The following SLAIN2 variants were observed in gnomAD, a reference collection of about 807,000 sequenced individuals.
SLAIN2 encodes the protein SLAIN motif-containing protein 2.
Under a neutral mutation model 56.6 loss-of-function variants are expected in SLAIN2, and 31 were observed. The observed-to-expected ratio is 0.55, with a 90% CI of 0.41 to 0.74. The LOEUF (loss-of-function observed/expected upper bound fraction) is 0.74. SLAIN2 is among the 30% of genes least tolerant of loss of function. The probability of loss-of-function intolerance (pLI) is 0.00; values close to 1 mark genes in which losing one functional copy is unlikely to be tolerated. For synonymous variants in SLAIN2, 317 were observed against 284.9 expected (o/e 1.11, Z -1.13); for missense variants, 777 against 754.2 (o/e 1.03, Z -0.35).
In SLAIN2 at chr4:48,401,197, A is replaced by G. The variant is rs191208842; in HGVS notation, c.1360+17413A>G. On this transcript the variant is annotated intron_variant, in intron 6 of 7. Transcript: ENST00000264313. Reference sequence around the variant, plus strand: ...TCTTTTGCATTTGCTGAGGACTATTACATGATCAATTTTAGAGTAAGTGTT... The same window carrying G: ...TCTTTTGCATTTGCTGAGGACTATTGCATGATCAATTTTAGAGTAAGTGTT... Among the ~76,000 whole-genome samples the G allele has an allele frequency of 2.9e-3, 444 of 151,810 alleles. 2 individuals carry two copies. The highest frequency in any genetic ancestry group is 3.2e-3 in the Non-Finnish European group (218 of 67,716).
intron 1 of SLAIN2, among the ~76,000 whole-genome samples, chr4:48,362,594 T>C (rs1650758807): frequency 1.5e-5 from 2 of 136,388 alleles, no homozygotes; most frequent in South Asian, 4.3e-4. Context: ...ACATTTTTTT[T>C]TTTTTTAGTA....
chr4:48,392,525 C>G (rs934932468), intron 6 of SLAIN2, among the ~76,000 whole-genome samples: 9 of 152,030 alleles, frequency 5.9e-5, no homozygotes, highest in African/African-American at 2.2e-4. Context: ...GTTACCTTTA[C>G]CCTCATTTAT....
chr4:48,363,474 G>A lies in SLAIN2; in HGVS notation c.390-6375G>A, dbSNP rs1356209299. Among the ~76,000 whole-genome samples, 33 of 61,612 alleles carry A rather than the reference G, an allele frequency of 5.4e-4. 6 individuals carry two copies. The highest frequency in any genetic ancestry group is 0.026 in the Middle Eastern group (2 of 78). 40.4% of individuals were successfully genotyped at this position (61,612 alleles called of 152,430 possible). A position where few individuals can be genotyped will look rare whatever the true frequency, so the allele number is the denominator to read the frequency against. On this transcript the variant is annotated intron_variant, in intron 1 of 7. Coordinates refer to ENST00000264313, the MANE Select transcript of SLAIN2 (RefSeq NM_020846.2). ...CCCCCACCTACCTCCCGGACGGGGCGGCTGGCCGGACAGAGGGGCTCCTCA... is the reference window on the plus strand; with the variant it reads ...CCCCCACCTACCTCCCGGACGGGGCAGCTGGCCGGACAGAGGGGCTCCTCA...
intron 1 of SLAIN2, among the ~76,000 whole-genome samples, chr4:48,347,685 A>G (rs533286676): frequency 5.9e-5 from 9 of 152,346 alleles, no homozygotes; most frequent in South Asian, 2.1e-4. Context: ...TACATTCACA[A>G]TGTTGTGCAA....
At chr4:48,367,841 A>G (rs972569778) in intron 1 of SLAIN2, among the ~76,000 whole-genome samples, 17 of 152,090 alleles carry the variant, frequency 1.1e-4, no homozygotes, top group Non-Finnish European at 2.1e-4. Flanking sequence ...AATTTAGTGT[A>G]TTTACAATGA....
chr4:48,420,837 AATC>A (rs2109791837), intron 7 of SLAIN2, among the ~76,000 whole-genome samples: 1 of 152,302 alleles, frequency 6.6e-6, no homozygotes, highest in South Asian at 2.1e-4. Context: ...GTCTGAGTAT[AATC>A]TATAAGCATG....
chr4:48,364,586 A>G (rs1424749869), intron 1 of SLAIN2, among the ~76,000 whole-genome samples: 2 of 97,288 alleles, frequency 2.1e-5, no homozygotes, highest in Non-Finnish European at 4.8e-5. Context: ...CCTGGGCACC[A>G]TTGAGCACTG....
chr4:48,397,991 A>G (rs1716453326), intron 6 of SLAIN2, among the ~76,000 whole-genome samples: 2 of 152,278 alleles, frequency 1.3e-5, no homozygotes, highest in South Asian at 4.1e-4. Context: ...CATCTTTATA[A>G]TAGAATGATT....
chr4:48,406,892 T>G (rs1472421485), intron 6 of SLAIN2, among the ~76,000 whole-genome samples: 1 of 152,154 alleles, frequency 6.6e-6, no homozygotes, highest in Non-Finnish European at 1.5e-5. Flanking sequence ...TTGTTTCTGT[T>G]ATAATCATTT....
intron 1 of SLAIN2, among the ~76,000 whole-genome samples, chr4:48,353,893 G>T (rs1577709410): frequency 6.6e-6 from 1 of 152,304 alleles, no homozygotes; most frequent in Non-Finnish European, 1.5e-5. Flanking sequence ...ATAAGGATTA[G>T]TGAATCAATA....
chr4:48,412,412 A>T (rs1223753223), intron 6 of SLAIN2, among the ~76,000 whole-genome samples: 3 of 33,088 alleles, frequency 9.1e-5, no homozygotes, highest in Non-Finnish European at 2.9e-4. Flanking sequence ...ACACACACAC[A>T]CACATTCCCT....
At chr4:48,406,118 A>G (rs1716687974) in intron 6 of SLAIN2, among the ~76,000 whole-genome samples, 1 of 152,156 alleles carries the variant, frequency 6.6e-6, no homozygotes. Flanking sequence ...CTGGTCTTGT[A>G]CATTTCTTGC....
chr4:48,364,838 A>T (rs564941545), intron 1 of SLAIN2, among the ~76,000 whole-genome samples: 2 of 117,658 alleles, frequency 1.7e-5, no homozygotes, highest in African/African-American at 6.4e-5. Flanking sequence ...TCGGCTCCGC[A>T]TGAGAGGGAG....
rs780767585 is a variant in SLAIN2, at chr4:48,422,107, G to A, written c.*30G>A. 7.6e-6 allele frequency: 12 copies of A among 1,579,652 alleles called. No individual in the cohort carries two copies. Among genetic ancestry groups the A allele is most frequent in the Admixed American group, 3.5e-5 (2 of 57,836 alleles). Reference sequence around the variant, plus strand: ...CAAAGACAAGAATGCAGAAGTCCACGGCTTCATGGATACCCTTCACCAGGC... The same window carrying A: ...CAAAGACAAGAATGCAGAAGTCCACAGCTTCATGGATACCCTTCACCAGGC... On this transcript the variant is annotated 3_prime_UTR_variant, in exon 8 of 8. Transcript: ENST00000264313.
Position 48,419,892 on chromosome 4 carries a change from A to G in SLAIN2, c.1361-233A>G, listed in dbSNP as rs114296829. On this transcript the variant is annotated intron_variant, in intron 6 of 7. Transcript: ENST00000264313. Reference sequence around the variant, plus strand: ...GGTATTATGGATTCCAAGCTGGCCTATTTAAAATACTGTTGTCAAAGACAG... The same window carrying G: ...GGTATTATGGATTCCAAGCTGGCCTGTTTAAAATACTGTTGTCAAAGACAG... Among the ~76,000 whole-genome samples the G allele has an allele frequency of 1.7e-3, 259 of 152,318 alleles. 1 individual carries two copies. Among genetic ancestry groups the G allele is most frequent in the African/African-American group, 6.0e-3 (249 of 41,580 alleles).
intron 7 of SLAIN2, among the ~76,000 whole-genome samples, chr4:48,420,876 C>T (rs1336299986): frequency 2.0e-5 from 3 of 152,102 alleles, no homozygotes; most frequent in Non-Finnish European, 4.4e-5. Context: ...TTCTATAATT[C>T]AGAATTATCT....
chr4:48,363,741 G>T (rs1715410150), intron 1 of SLAIN2, among the ~76,000 whole-genome samples: 1 of 103,332 alleles, frequency 9.7e-6, no homozygotes, highest in Non-Finnish European at 2.4e-5. Flanking sequence ...TGGCCAGGCG[G>T]GGGGCTGACC....
At chr4:48,347,235 C>T (rs1714890463) in intron 1 of SLAIN2, among the ~76,000 whole-genome samples, 1 of 150,366 alleles carries the variant, frequency 6.7e-6, no homozygotes, top group Non-Finnish European at 1.5e-5. Context: ...ACCTTTTTGG[C>T]ATCAGGGACC....
chr4:48,347,346 A>AGTGATTGTCTTACCT (rs1714897024), intron 1 of SLAIN2, among the ~76,000 whole-genome samples: 1 of 148,886 alleles, frequency 6.7e-6, no homozygotes, highest in Non-Finnish European at 1.5e-5. Flanking sequence ...CCCTGGCTCA[A>AGTGATTGTCTTACCT]GTGATTGTCT....
Sources: allele counts gnomAD v4.1 joint callset (sites outside exome capture counted in the v4.1 genomes callset), GRCh38; gene constraint gnomAD v4.1.1; transcripts MANE v1.5; gene names NCBI Gene and HGNC (gene_info 2026-07-23, HGNC 2026-07-21).